Variants in ATP8A1 observed in about 807,000 individuals in gnomAD.
The protein encoded by ATP8A1 is ATPase phospholipid transporting 8A1, also known as phospholipid-transporting ATPase IA.
A neutral mutation model predicts 177.7 loss-of-function variants in ATP8A1; 90 were observed. The ratio of observed to expected loss-of-function variants is 0.51; its 90% CI spans 0.43 to 0.60. The LOEUF (loss-of-function observed/expected upper bound fraction) is 0.60. Among genes scored for constraint, ATP8A1 ranks in the 20% least tolerant of loss-of-function variants. ATP8A1 has a pLI of 0.00. For missense variants in ATP8A1, 1,072 were observed against 1,392.8 expected, an observed-to-expected ratio of 0.77 and a Z score of 3.67; for synonymous variants, 493 against 485.9, an observed-to-expected ratio of 1.01 and a Z score of -0.19.
At chr4:42,587,708 G>C (rs1294790402) in intron 8 of ATP8A1, among the ~76,000 whole-genome samples, 1 of 151,400 alleles carries the variant, frequency 6.6e-6, no homozygotes, top group African/African-American at 2.4e-5. Flanking sequence ...CCGGGTTCAC[G>C]CCCTTCTCCT....
intron 35 of ATP8A1, among the ~76,000 whole-genome samples, chr4:42,416,613 A>C (rs1285980625): frequency 6.6e-6 from 1 of 152,164 alleles, no homozygotes; most frequent in African/African-American, 2.4e-5. Flanking sequence ...ATTACTCAGG[A>C]AAGATCATGG....
chr4:42,414,096 C>A (rs535915462), intron 36 of ATP8A1, among the ~76,000 whole-genome samples: 67 of 152,290 alleles, frequency 4.4e-4, no homozygotes, highest in Non-Finnish European at 6.8e-4. Context: ...TAAGTGGAAA[C>A]AACATGAAAC....
At chr4:42,444,466 T>C in intron 32 of ATP8A1, 112 bp downstream of exon 32, 2 of 1,013,230 alleles carry the variant, frequency 2.0e-6, no homozygotes, top group South Asian at 1.5e-5. Flanking sequence ...ACCTGTGGAC[T>C]AGGACATATT....
At chr4:42,511,879 G>A (rs773521838) in intron 22 of ATP8A1, among the ~76,000 whole-genome samples, 2 of 151,920 alleles carry the variant, frequency 1.3e-5, no homozygotes, top group African/African-American at 2.4e-5. Context: ...AATCAAACTC[G>A]TATCAACCTA....
At chr4:42,567,302 G>A (rs1428528881) in intron 15 of ATP8A1, among the ~76,000 whole-genome samples, 1 of 152,198 alleles carries the variant, frequency 6.6e-6, no homozygotes, top group African/African-American at 2.4e-5. Flanking sequence ...ACTTTGGGAG[G>A]CTGAGGCGGG....
chr4:42,413,058 A>G, intron 36 of ATP8A1, 45 bp from the exon 37 acceptor site: 1 of 1,512,626 alleles, frequency 6.6e-7, no homozygotes. Context: ...AGGCACTGGA[A>G]ACCACCGTTA....
intron 27 of ATP8A1, among the ~76,000 whole-genome samples, chr4:42,458,276 G>A (rs551281057): frequency 2.0e-5 from 3 of 152,108 alleles, no homozygotes; most frequent in South Asian, 2.1e-4. Context: ...AGAAAACACC[G>A]GTCCCTCTGG....
chr4:42,451,160 C>G (rs765563299), intron 30 of ATP8A1, among the ~76,000 whole-genome samples: 3 of 152,168 alleles, frequency 2.0e-5, no homozygotes, highest in Non-Finnish European at 4.4e-5. Flanking sequence ...ATCACTCTGG[C>G]TACCTATGGA....
intron 25 of ATP8A1, among the ~76,000 whole-genome samples, chr4:42,477,530 A>G (rs1721202943): frequency 6.6e-6 from 1 of 152,196 alleles, no homozygotes; most frequent in Non-Finnish European, 1.5e-5. Flanking sequence ...TCTCCTAGAA[A>G]AACTCTTGCC....
chr4:42,429,545 C>T (rs1715030247), intron 33 of ATP8A1, among the ~76,000 whole-genome samples: 5 of 152,178 alleles, frequency 3.3e-5, no homozygotes, highest in Admixed American at 3.3e-4. Context: ...CAGTCTTCCT[C>T]CTCTAGGCAA....
chr4:42,618,765 T>C (rs1403326636), intron 4 of ATP8A1, among the ~76,000 whole-genome samples: 1 of 152,224 alleles, frequency 6.6e-6, no homozygotes, highest in Non-Finnish European at 1.5e-5. Context: ...GTGGTAAGTC[T>C]TGTCAGTTTT....
At chr4:42,459,251 T>C (rs1017159321) in intron 27 of ATP8A1, 1 of 155,172 alleles carries the variant, frequency 6.4e-6, no homozygotes, top group African/African-American at 2.4e-5. Context: ...AGTTTAGGGT[T>C]AATCAACCAC....
intron 15 of ATP8A1, among the ~76,000 whole-genome samples, chr4:42,563,225 T>A (rs1445464506): frequency 6.6e-6 from 1 of 152,186 alleles, no homozygotes; most frequent in Non-Finnish European, 1.5e-5. Flanking sequence ...TGTTGGGAAC[T>A]GGAGAAAAGG....
At chr4:42,561,717 T>C (rs1577592352) in intron 15 of ATP8A1, 1 of 152,250 alleles carries the variant, frequency 6.6e-6, no homozygotes, top group South Asian at 2.1e-4. Flanking sequence ...CAGAAGTCAC[T>C]GGCTCTTTGA....
At chr4:42,586,971 G>A (rs1226785021) in intron 8 of ATP8A1, among the ~76,000 whole-genome samples, 6 of 152,136 alleles carry the variant, frequency 3.9e-5, no homozygotes, top group Admixed American at 2.0e-4. Flanking sequence ...TCACACAGTG[G>A]CAGTCTGGGT....
chr4:42,490,030 G>C (rs1340445734), intron 24 of ATP8A1, among the ~76,000 whole-genome samples: 1 of 152,148 alleles, frequency 6.6e-6, no homozygotes, highest in Non-Finnish European at 1.5e-5. Context: ...AGGCAATCTG[G>C]GGAGATGGAC....
At chr4:42,621,932 C>G (rs1439645869) in intron 4 of ATP8A1, among the ~76,000 whole-genome samples, 1 of 152,150 alleles carries the variant, frequency 6.6e-6, no homozygotes, top group Admixed American at 6.5e-5. Context: ...GACTGCACAC[C>G]TACAACCATC....
At chr4:42,545,729 T>G (rs1263089361) in intron 19 of ATP8A1, among the ~76,000 whole-genome samples, 3 of 152,132 alleles carry the variant, frequency 2.0e-5, no homozygotes, top group African/African-American at 7.2e-5. Context: ...ATCCCAGCAC[T>G]TTGGGAGGCT....
At chr4:42,423,534 G>T in intron 34 of ATP8A1, 83 bp downstream of exon 34, 1 of 899,934 alleles carries the variant, frequency 1.1e-6, no homozygotes, top group Non-Finnish European at 1.7e-6. Context: ...AGCTCTACAT[G>T]CTTGAGTTGA....
Sources: allele counts gnomAD v4.1 joint callset (sites outside exome capture counted in the v4.1 genomes callset), GRCh38; gene constraint gnomAD v4.1.1; transcripts MANE v1.5; gene names NCBI Gene and HGNC (gene_info 2026-07-23, HGNC 2026-07-21).